SOX5: variants seen among roughly 807,000 people sequenced by gnomAD.
SOX5 encodes the protein SRY-box transcription factor 5.
A neutral mutation model predicts 92.0 loss-of-function variants in SOX5; 9 were observed. That is an observed-to-expected ratio of 0.10 (90% CI 0.06 to 0.17). The LOEUF (loss-of-function observed/expected upper bound fraction) is 0.17, where lower values mean the gene tolerates loss of function less well. Ranked by LOEUF, SOX5 falls within the 10% of genes least tolerant of loss-of-function variation. SOX5 has a pLI of 1.00. For synonymous variants in SOX5, 344 were observed against 336.3 expected (o/e 1.02, Z -0.25); for missense variants, 642 against 944.5 (o/e 0.68, Z 4.20).
chr12:24,448,732 A>G (rs752467694), intron 1 of SOX5, among the ~76,000 whole-genome samples: 1 of 152,088 alleles, frequency 6.6e-6, no homozygotes, highest in Non-Finnish European at 1.5e-5. Flanking sequence ...CTGTGGGTAG[A>G]CCTTTTTAAC....
intron 4 of SOX5, among the ~76,000 whole-genome samples, chr12:24,057,415 T>C (rs954232090): frequency 2.0e-5 from 3 of 152,224 alleles, no homozygotes; most frequent in Non-Finnish European, 4.4e-5. Flanking sequence ...TCCCCCTCTT[T>C]ACATGCTAGC....
At chr12:24,428,080 CTTTT>C (rs1373012313) in intron 1 of SOX5, among the ~76,000 whole-genome samples, 1 of 151,886 alleles carries the variant, frequency 6.6e-6, no homozygotes, top group African/African-American at 2.4e-5. Context: ...CATCTTTCAG[CTTTT>C]TTAAGGTGAA....
At chr12:23,975,165 A>T (rs927759617) in intron 4 of SOX5, among the ~76,000 whole-genome samples, 13 of 152,186 alleles carry the variant, frequency 8.5e-5, no homozygotes, top group Non-Finnish European at 1.9e-4. Flanking sequence ...ATATTCAAGT[A>T]TTCTATTTAA....
chr12:24,489,517 G>A (rs1412422500), intron 1 of SOX5, among the ~76,000 whole-genome samples: 1 of 152,082 alleles, frequency 6.6e-6, no homozygotes, highest in Non-Finnish European at 1.5e-5. Flanking sequence ...AGAAGAGTAA[G>A]GATCTGAAGA....
chr12:23,804,710 A>T (rs2142239241), intron 3 of SOX5, among the ~76,000 whole-genome samples: 1 of 151,586 alleles, frequency 6.6e-6, no homozygotes, highest in Middle Eastern at 3.4e-3. Flanking sequence ...ATCTCTCCAG[A>T]TCCAGCCCTG....
chr12:24,152,199 G>T (rs1951726248), intron 4 of SOX5, among the ~76,000 whole-genome samples: 1 of 152,008 alleles, frequency 6.6e-6, no homozygotes, highest in African/African-American at 2.4e-5. Context: ...ATATGTCATG[G>T]GTACAACTAA....
chr12:23,894,981 C>A (rs2097162836), intron 2 of SOX5, among the ~76,000 whole-genome samples: 1 of 152,050 alleles, frequency 6.6e-6, no homozygotes, highest in African/African-American at 2.4e-5. Context: ...GTGGTAAGTG[C>A]CCCACTACCT....
At chr12:24,127,260 G>T (rs562750135) in intron 4 of SOX5, among the ~76,000 whole-genome samples, 1 of 151,484 alleles carries the variant, frequency 6.6e-6, no homozygotes, top group Non-Finnish European at 1.5e-5. Flanking sequence ...GCATGGTGGC[G>T]CATGCCTGTA....
At chr12:24,023,557 CAAAAT>C (rs147209763) in intron 4 of SOX5, among the ~76,000 whole-genome samples, 164 of 152,150 alleles carry the variant, frequency 1.1e-3, no homozygotes, top group African/African-American at 3.8e-3. Context: ...TTACACTCAA[CAAAAT>C]AAGTGACCAA....
At chr12:24,175,356 A>G (rs995570913) in intron 4 of SOX5, among the ~76,000 whole-genome samples, 1 of 152,244 alleles carries the variant, frequency 6.6e-6, no homozygotes, top group African/African-American at 2.4e-5. Flanking sequence ...GGACATACCA[A>G]AAAAGTACGA....
At chr12:23,854,787 T>C (rs1252381085) in intron 2 of SOX5, among the ~76,000 whole-genome samples, 1 of 152,034 alleles carries the variant, frequency 6.6e-6, no homozygotes. Context: ...TACAAGTCAA[T>C]CCTTGTATGC....
At chr12:23,708,829 T>C (rs2091737496) in intron 6 of SOX5, among the ~76,000 whole-genome samples, 1 of 152,186 alleles carries the variant, frequency 6.6e-6, no homozygotes, top group Admixed American at 6.5e-5. Flanking sequence ...GGTGATAATA[T>C]CATTAGTCAT....
At chr12:24,443,144 G>A (rs1035729443) in intron 1 of SOX5, among the ~76,000 whole-genome samples, 1 of 151,992 alleles carries the variant, frequency 6.6e-6, no homozygotes, top group Non-Finnish European at 1.5e-5. Context: ...TAGAGATGGG[G>A]TTTCACCGTG....
intron 3 of SOX5, among the ~76,000 whole-genome samples, chr12:23,792,680 G>GAT (rs2095498202): frequency 7.8e-6 from 1 of 128,958 alleles, no homozygotes; most frequent in Non-Finnish European, 1.6e-5. Context: ...AAAGCACTGC[G>GAT]ATATGGAGCA....
intron 4 of SOX5, among the ~76,000 whole-genome samples, chr12:24,045,836 ATGT>A (rs773049564): frequency 8.5e-5 from 13 of 152,104 alleles, no homozygotes; most frequent in African/African-American, 2.7e-4. Context: ...CAATTCAAAC[ATGT>A]TGTTTCTATG....
chr12:23,987,804 C>A (rs1950198834), intron 4 of SOX5, among the ~76,000 whole-genome samples: 1 of 152,062 alleles, frequency 6.6e-6, no homozygotes, highest in Non-Finnish European at 1.5e-5. Context: ...AAAACAAAAA[C>A]ATCATGGAGG....
chr12:24,370,476 C>CAAAAAAA (rs57192965), intron 1 of SOX5, among the ~76,000 whole-genome samples: 32,041 of 78,336 alleles, frequency 0.41, 6,957 homozygotes, highest in Non-Finnish European at 0.46. Context: ...GACTCCGTCT[C>CAAAAAAA]AAAAAAAAAA....
rs1464615362 is a variant in SOX5 at position 24,369,456 on chromosome 12, C to G, written c.-250-817G>C. On this transcript the variant is annotated intron_variant, in intron 1 of 4. Coordinates refer to the SOX5 transcript ENST00000446891. ...CAAGTCCCACTAAAAACTCTGGACA[C>G]CAAAGGCTCAAGTGAGCTCCCCTGG... 4.6e-5 allele frequency among the ~76,000 whole-genome samples: 7 copies of G among 152,146 alleles called. No individual in the cohort carries two copies. In the South Asian group the frequency reaches 1.5e-3, roughly 32 times the overall value.
At chr12:24,443,809 A>G (rs977532634) in intron 1 of SOX5, among the ~76,000 whole-genome samples, 1 of 152,250 alleles carries the variant, frequency 6.6e-6, no homozygotes, top group Non-Finnish European at 1.5e-5. Context: ...TTTTGAAAGA[A>G]CAAGGAAAAG....
Sources: gnomAD v4.1 joint callset for allele counts (sites outside exome capture counted in the v4.1 genomes callset) on GRCh38, gnomAD v4.1.1 for gene constraint, MANE v1.5 for transcripts, NCBI Gene and HGNC (gene_info 2026-07-23, HGNC 2026-07-21) for gene names.